The following ZBTB45 variants were observed in gnomAD, a reference collection of about 807,000 sequenced individuals.
ZBTB45 encodes the protein zinc finger and BTB domain-containing protein 45.
In ZBTB45, 22 loss-of-function variants were observed where a neutral mutation model predicts 28.4. The observed-to-expected ratio is 0.77, with a 90% CI of 0.55 to 1.10. The LOEUF (loss-of-function observed/expected upper bound fraction) is 1.10, where lower values mean the gene tolerates loss of function less well. Among genes scored for constraint, ZBTB45 ranks in the 50% least tolerant of loss-of-function variants. The pLI is 0.00. For synonymous variants in ZBTB45, 361 were observed against 332.3 expected (o/e 1.09, Z -0.94); for missense variants, 656 against 750.2 (o/e 0.87, Z 1.47).
At position 58,516,618 on chromosome 19, in the gene ZBTB45, T is replaced by C. The variant is rs1456381870; in HGVS notation, c.1056A>G (p.Pro352=). 3 of 1,553,418 alleles carry C rather than the reference T, an allele frequency of 1.9e-6. No homozygotes were observed. Among genetic ancestry groups the C allele is most frequent in the South Asian group, 1.2e-5 (1 of 81,988 alleles). The change falls in exon 2 of 3, where the codon CCA becomes CCG. Residue 352 remains proline (P), a synonymous_variant. Transcript: ENST00000594051. The surrounding 1 kb of genome is among the most constrained non-coding windows in gnomAD (Gnocchi z 6.2). ...PAPPPSAPSG[P]APAPPPAFYP... is the part of the protein sequence containing the mutation. The stretch of plus-strand genomic sequence containing the variant: ...AGAAGGCGGGTGGGGGCGCAGGGGC[T>C]GGCCCCGATGGTGCTGAAGGGGGTG...
At chr19:58,533,253 G>C (rs1432787501) in intron 1 of ZBTB45, among the ~76,000 whole-genome samples, 1 of 152,184 alleles carries the variant, frequency 6.6e-6, no homozygotes, top group African/African-American at 2.4e-5. Context: ...TTCTTATGGG[G>C]CATTAGTCCC....
At position 58,517,514 on chromosome 19, in the gene ZBTB45, C is replaced by T. The variant is rs1246284459; in HGVS notation, c.160G>A (p.Gly54Ser). 9.9e-6 allele frequency: 16 copies of T among 1,613,190 alleles called. No individual in the cohort carries two copies. The highest frequency in any genetic ancestry group is 1.7e-5 in the Admixed American group (1 of 59,958). Reference sequence around the variant, plus strand: ...AGCTTGTCTTGGAAGAAGGGTGAGCCGGCCGCCAGCACGCAGCGGTGGGCA... The same window carrying T: ...AGCTTGTCTTGGAAGAAGGGTGAGCTGGCCGCCAGCACGCAGCGGTGGGCA... ...LRAHRCVLAA[G>S]SPFFQDKLLL... The change falls in exon 2 of 3, where the codon GGC becomes AGC. Residue 54 changes from glycine (G) to serine (S), a missense_variant. Gly to Ser is a moderately conservative substitution (Grantham distance 56). Around this residue, in one of 3 missense-constraint regions of ZBTB45, gnomAD observed 105 missense variants for 152.4 expected, o/e 0.69. Transcript: ENST00000594051.
rs1342160354 is a variant in ZBTB45 at position 58,517,662 on chromosome 19, T to G, written c.12A>C (p.Ala4=). The G allele has an allele frequency of 1.2e-6, 2 of 1,613,048 alleles. No individual in the cohort carries two copies. The highest frequency in any genetic ancestry group is 1.7e-6 in the Non-Finnish European group (2 of 1,179,396). Residue 4 remains alanine (A), a synonymous_variant, in exon 2 of 3, where the codon GCA becomes GCC. Transcript: ENST00000594051. MAA[A]EAVHHIHLQN... Reference sequence around the variant, plus strand: ...GCAGGTGTATGTGATGCACAGCCTCTGCAGCCGCCATCTGCACAGAACAAG... The same window carrying G: ...GCAGGTGTATGTGATGCACAGCCTCGGCAGCCGCCATCTGCACAGAACAAG...
At chr19:58,532,732 G>C (rs1193130967) in intron 1 of ZBTB45, among the ~76,000 whole-genome samples, 1 of 151,942 alleles carries the variant, frequency 6.6e-6, no homozygotes, top group African/African-American at 2.4e-5. Flanking sequence ...GTTTTTACTA[G>C]AGACAAGGTT....
At chr19:58,532,608 A>G (rs1476262218) in intron 1 of ZBTB45, among the ~76,000 whole-genome samples, 1 of 151,846 alleles carries the variant, frequency 6.6e-6, no homozygotes, top group African/African-American at 2.4e-5. Context: ...GTGCAGTGTC[A>G]CAATCTCAGC....
At chr19:58,531,056 G>A (rs2053633600) in intron 1 of ZBTB45, among the ~76,000 whole-genome samples, 1 of 152,140 alleles carries the variant, frequency 6.6e-6, no homozygotes, top group South Asian at 2.1e-4. Flanking sequence ...ACTGTTTGAG[G>A]AACTGCCAGG....
At chr19:58,533,063 C>T (rs762295352) in intron 1 of ZBTB45, among the ~76,000 whole-genome samples, 13 of 151,458 alleles carry the variant, frequency 8.6e-5, no homozygotes, top group Non-Finnish European at 1.5e-4. Flanking sequence ...CTCAAACTCC[C>T]GACCTCAGGT....
intron 1 of ZBTB45, among the ~76,000 whole-genome samples, chr19:58,532,047 G>A (rs1274548512): frequency 6.6e-6 from 1 of 151,964 alleles, no homozygotes; most frequent in African/African-American, 2.4e-5. Context: ...CCTTTCCCTG[G>A]AAGCTACAGG....
At position 58,531,708 on chromosome 19, in the gene ZBTB45, C is replaced by T. The variant is rs116453946; in HGVS notation, c.-1+6993G>A. Among the ~76,000 whole-genome samples, 206 of 152,164 alleles carry T rather than the reference C, an allele frequency of 1.4e-3. 1 individual carries two copies. Among genetic ancestry groups the T allele is most frequent in the African/African-American group, 4.8e-3 (198 of 41,508 alleles). ...TATGGTGACAGATGGGTTTATTTTT[C>T]TGGATCTCTTTTTTTGAGAACACTT... On this transcript the variant is annotated intron_variant, in intron 1 of 1. Coordinates refer to the ZBTB45 transcript ENST00000600130.
In ZBTB45 at chr19:58,515,873, A is replaced by G. The variant is rs911843102; in HGVS notation, c.1279+522T>C. On this transcript the variant is annotated intron_variant, in intron 2 of 2. Transcript: ENST00000594051. The surrounding 1 kb of genome is among the most constrained non-coding windows in gnomAD (Gnocchi z 4.7). ...TTTTCGGGGTCCTCTGCAGCTGTGG[A>G]GTCCCCACACTACCTATGTTTTCCT... 1.3e-5 allele frequency among the ~76,000 whole-genome samples: 2 copies of G among 152,008 alleles called. No homozygotes were observed. Among genetic ancestry groups the G allele is most frequent in the Non-Finnish European group, 2.9e-5 (2 of 67,992 alleles).
At position 58,516,266 on chromosome 19, in the gene ZBTB45, A is replaced by C; in HGVS notation, c.1279+129T>G. 1 of 1,231,152 alleles carries C rather than the reference A, an allele frequency of 8.1e-7. No homozygotes were observed. Among genetic ancestry groups the C allele is most frequent in the Non-Finnish European group, 1.1e-6 (1 of 888,356 alleles). The allele number at this position is 1,231,152 out of a possible 1,614,324, so 76.3% of individuals were successfully genotyped here. A position where few individuals can be genotyped will look rare whatever the true frequency, so the allele number is the denominator to read the frequency against. On this transcript the variant is annotated intron_variant, in intron 2 of 2. Transcript: ENST00000594051. The surrounding 1 kb of genome is among the most constrained non-coding windows in gnomAD (Gnocchi z 6.2). ...ATACCTTGCACTTGGGGGAAGGCTC[A>C]ATTTCTAGGCCCCCTGCTAACCAAA...
At chr19:58,519,487 C>T (rs1476122373) in intron 1 of ZBTB45, 1 of 152,872 alleles carries the variant, frequency 6.5e-6, no homozygotes, top group African/African-American at 2.4e-5. Flanking sequence ...CCCGCCACGC[C>T]TTCGCCGCGC....
chr19:58,522,805 G>T (rs547465417), upstream of ZBTB45, among the ~76,000 whole-genome samples: 30 of 152,288 alleles, frequency 2.0e-4, no homozygotes, highest in Non-Finnish European at 3.7e-4. Flanking sequence ...TCTGAGGAGG[G>T]AGGACGGCCC....
intron 2 of ZBTB45, among the ~76,000 whole-genome samples, chr19:58,514,940 T>C (rs1327750750): frequency 6.6e-6 from 1 of 152,078 alleles, no homozygotes; most frequent in Non-Finnish European, 1.5e-5. Flanking sequence ...GCCACTATAA[T>C]GTCCTTGGTG....
At chr19:58,524,083 A>AG (rs1555797009), upstream of ZBTB45, among the ~76,000 whole-genome samples, 4 of 143,256 alleles carry the variant, frequency 2.8e-5, no homozygotes, top group Non-Finnish European at 6.1e-5. Flanking sequence ...AAAAAAAAAA[A>AG]GGGCTTGGGA....
upstream of ZBTB45, among the ~76,000 whole-genome samples, chr19:58,524,367 A>AAATAAT (rs1232727702): frequency 3.3e-5 from 5 of 150,814 alleles, no homozygotes; most frequent in Non-Finnish European, 7.4e-5. Context: ...CTCCGTCTCA[A>AAATAAT]AATAATAATA....
intron 1 of ZBTB45, among the ~76,000 whole-genome samples, chr19:58,533,164 G>T (rs970515058): frequency 2.0e-5 from 3 of 152,170 alleles, no homozygotes; most frequent in Non-Finnish European, 4.4e-5. Context: ...TAGAGACAGG[G>T]TTTCACCATG....
At chr19:58,526,789 C>T (rs1224519568) in intron 1 of ZBTB45, among the ~76,000 whole-genome samples, 3 of 151,522 alleles carry the variant, frequency 2.0e-5, no homozygotes, top group African/African-American at 7.3e-5. Context: ...CCTCGGCCTC[C>T]CAAAGTGCTG....
In ZBTB45 at chr19:58,516,219, G is replaced by T. The variant is rs1387602072; in HGVS notation, c.1279+176C>A. On this transcript the variant is annotated intron_variant, in intron 2 of 2. Coordinates refer to ENST00000594051, the MANE Select transcript of ZBTB45 (RefSeq NM_001316979.2). This position sits in a 1 kb window ranked among gnomAD's most constrained non-coding sequence, Gnocchi z 6.2. Reference sequence around the variant, plus strand: ...AAGCCAGTGCCTGCTGCTCCACAGAGTGGGGCTTTCCCCTCCCCCACATAC... The same window carrying T: ...AAGCCAGTGCCTGCTGCTCCACAGATTGGGGCTTTCCCCTCCCCCACATAC... Among the ~76,000 whole-genome samples, 1 of 152,156 alleles carries T rather than the reference G, an allele frequency of 6.6e-6. No individual in the cohort carries two copies. Among genetic ancestry groups the T allele is most frequent in the African/African-American group, 2.4e-5 (1 of 41,432 alleles).
Sources: gnomAD v4.1 joint callset for allele counts (sites outside exome capture counted in the v4.1 genomes callset) on GRCh38, gnomAD v4.1.1 for gene constraint, gnomAD v4.1.1 regional missense constraint, Gnocchi (gnomAD v3.1) non-coding constraint, MANE v1.5 for transcripts, NCBI Gene and HGNC (gene_info 2026-07-23, HGNC 2026-07-21) for gene names.